N4BP2: variants seen among roughly 807,000 people sequenced by gnomAD.
N4BP2 encodes NEDD4 binding protein 2.
Under a neutral mutation model 152.8 loss-of-function variants are expected in N4BP2, and 91 were observed. The observed-to-expected ratio is 0.60, with a 90% CI of 0.50 to 0.71. The LOEUF is 0.71. Ranked by LOEUF, N4BP2 falls within the 30% of genes least tolerant of loss-of-function variation. N4BP2 has a pLI of 0.00. For synonymous variants in N4BP2, 646 were observed against 705.3 expected, an observed-to-expected ratio of 0.92 and a Z score of 1.33; for missense variants, 1,923 against 2,059.1, an observed-to-expected ratio of 0.93 and a Z score of 1.28.
intron 1 of N4BP2, among the ~76,000 whole-genome samples, chr4:40,062,023 G>A (rs1578928133): frequency 6.7e-6 from 1 of 150,326 alleles, no homozygotes; most frequent in Admixed American, 6.6e-5. Context: ...TTTATTTTTT[G>A]GTTTTATTTA....
intron 1 of N4BP2, among the ~76,000 whole-genome samples, chr4:40,064,224 T>C (rs1452538985): frequency 6.6e-6 from 1 of 152,230 alleles, no homozygotes; most frequent in Admixed American, 6.5e-5. Context: ...AAGTCCAACA[T>C]TTTAAAGAAG....
At chr4:40,136,478 G>A (rs1719410767) in intron 13 of N4BP2, among the ~76,000 whole-genome samples, 1 of 151,938 alleles carries the variant, frequency 6.6e-6, no homozygotes, top group African/African-American at 2.4e-5. Context: ...TCTGCCTTCC[G>A]GGTTCAAGCG....
intron 17 of N4BP2, among the ~76,000 whole-genome samples, chr4:40,153,579 G>T (rs974666688): frequency 7.2e-5 from 11 of 152,192 alleles, no homozygotes; most frequent in African/African-American, 2.4e-4. Context: ...TCCTGCAGAT[G>T]TGTATCATTA....
the N4BP2 span, among the ~76,000 whole-genome samples, chr4:40,165,476 T>C: frequency 6.6e-6 from 1 of 152,218 alleles, no homozygotes; most frequent in Non-Finnish European, 1.5e-5. Flanking sequence ...CTTGAACTCC[T>C]GGCCTCAAGT....
chr4:40,069,450 A>G (rs1195970413), intron 1 of N4BP2, among the ~76,000 whole-genome samples: 2 of 151,962 alleles, frequency 1.3e-5, no homozygotes, highest in African/African-American at 4.8e-5. Context: ...CCTTCCTTTC[A>G]TTTTAAACTC....
intron 14 of N4BP2, among the ~76,000 whole-genome samples, chr4:40,141,321 C>G (rs1719926309): frequency 6.6e-6 from 1 of 151,994 alleles, no homozygotes; most frequent in African/African-American, 2.4e-5. Context: ...ACGCTCCTCA[C>G]TTGTCAGACG....
intron 13 of N4BP2, 26 bp downstream of exon 13, chr4:40,131,945 G>A (rs1299572450): frequency 7.5e-7 from 1 of 1,340,198 alleles, no homozygotes; most frequent in Non-Finnish European, 1.1e-6. Flanking sequence ...ATTGTCTGTA[G>A]TTTCTACTCT....
chr4:40,121,457 A>G lies in N4BP2; in HGVS notation c.3346A>G (p.Lys1116Glu), dbSNP rs1274484180. Reference sequence around the variant, plus strand: ...GAAAGACTTATATGAGAGGTGCAATAAAGATATTATTTGGGCCACAAGCCT... The same window carrying G: ...GAAAGACTTATATGAGAGGTGCAATGAAGATATTATTTGGGCCACAAGCCT... ...ALKDLYERCN[K>E]DIIWATSLLL... Residue 1116 changes from lysine to glutamate, a missense_variant, in exon 9 of 18, where the codon AAA becomes GAA. Transcript: ENST00000261435. 1.2e-6 allele frequency: 2 copies of G among 1,613,854 alleles called. No homozygotes were observed. The highest frequency in any genetic ancestry group is 1.3e-5 in the African/African-American group (1 of 74,906).
chr4:40,147,148 C>CA (rs920911127), intron 16 of N4BP2, among the ~76,000 whole-genome samples: 1 of 150,016 alleles, frequency 6.7e-6, no homozygotes, highest in Non-Finnish European at 1.5e-5. Context: ...ATCTGTTTAA[C>CA]AAAGCACATC....
chr4:40,154,317 C>A lies in N4BP2; in HGVS notation c.*80C>A, dbSNP rs917252162. On this transcript the variant is annotated 3_prime_UTR_variant, in exon 18 of 18. Coordinates refer to ENST00000261435, the MANE Select transcript of N4BP2 (RefSeq NM_018177.6). ...TTTGCAGTAATTCAGTCAATTCTAC[C>A]CTAAAGATGTGTTTTATTATAAATA... 4.2e-5 allele frequency: 35 copies of A among 830,328 alleles called. No homozygotes were observed. The highest frequency in any genetic ancestry group is 5.3e-5 in the Non-Finnish European group (28 of 525,786). The allele number at this position is 830,328 out of a possible 1,614,324, so 51.4% of individuals were successfully genotyped here.
intron 7 of N4BP2, among the ~76,000 whole-genome samples, chr4:40,115,428 C>G (rs936127358): frequency 2.0e-5 from 3 of 152,060 alleles, no homozygotes; most frequent in Admixed American, 6.6e-5. Context: ...CCTGGGAGGT[C>G]GAGGCTGTGA....
the N4BP2 span, among the ~76,000 whole-genome samples, chr4:40,169,963 C>CAAAA: frequency 4.4e-5 from 2 of 45,840 alleles, no homozygotes; most frequent in African/African-American, 6.5e-5. Flanking sequence ...GACTCAATCT[C>CAAAA]AAAAAAAAAA....
rs771335743 is a variant in N4BP2, at chr4:40,144,666, A to G, written c.5009A>G (p.Asn1670Ser). Residue 1670 changes from asparagine to serine, a missense_variant, in exon 16 of 18, where the codon AAT becomes AGT. Transcript: ENST00000261435. ...CATGAGCAGAAGATGAAAGAAGCCA[A>G]TCACCTTGCTGCCATAGAGATCTTT... ...TLHEQKMKEA[N>S]HLAAIEIFEK... 28 of 1,613,350 alleles carry G rather than the reference A, an allele frequency of 1.7e-5. No homozygotes were observed. Among genetic ancestry groups the G allele is most frequent in the African/African-American group, 6.7e-5 (5 of 74,884 alleles).
chr4:40,160,495 TAAC>T (rs1268906004), downstream of N4BP2, among the ~76,000 whole-genome samples: 1 of 152,238 alleles, frequency 6.6e-6, no homozygotes, highest in Non-Finnish European at 1.5e-5. Context: ...TCAGCCACGC[TAAC>T]GTTAACTTTC....
intron 14 of N4BP2, 107 bp from the exon 15 acceptor site, chr4:40,142,566 T>G (rs1430428439): frequency 1.1e-5 from 8 of 698,908 alleles, no homozygotes; most frequent in South Asian, 2.1e-5. Flanking sequence ...AGGAGAGAGA[T>G]GAAAATATAC....
chr4:40,120,090 A>G lies in N4BP2; in HGVS notation c.1979A>G (p.Lys660Arg), dbSNP rs201855506. 4.8e-4 allele frequency: 774 copies of G among 1,612,084 alleles called. 4 individuals carry two copies. Among genetic ancestry groups the G allele is most frequent in the South Asian group, 1.0e-3 (95 of 90,864 alleles). Residue 660 changes from lysine (K) to arginine (R), a missense_variant, in exon 9 of 18, where the codon AAA becomes AGA. Coordinates refer to ENST00000261435, the MANE Select transcript of N4BP2 (RefSeq NM_018177.6). Reference sequence around the variant, plus strand: ...TATCTCTCTAATGCAGATTTAAACAAAAGAAGAAAAGAAATAAGTGATATG... The same window carrying G: ...TATCTCTCTAATGCAGATTTAAACAGAAGAAGAAAAGAAATAAGTGATATG... ...VAYLSNADLN[K>R]RRKEISDMNP...
In N4BP2 at chr4:40,144,725, G is replaced by A; in HGVS notation, c.5068G>A (p.Val1690Ile). 1 of 1,614,136 alleles carries A rather than the reference G, an allele frequency of 6.2e-7. No homozygotes were observed. The highest frequency in any genetic ancestry group is 1.3e-5 in the African/African-American group (1 of 75,044). The change falls in exon 16 of 18, where the codon GTT (valine) becomes ATT (isoleucine). Residue 1690 changes from valine to isoleucine, a missense_variant. Coordinates refer to ENST00000261435, the MANE Select transcript of N4BP2 (RefSeq NM_018177.6). ...KVNASLLPQN[V>I]LDLHGLHVDE... The stretch of plus-strand genomic sequence containing the variant: ...CAATGCTTCGCTGCTGCCACAGAAT[G>A]TTTTAGACCTCCATGGGCTGCATGT...
chr4:40,170,586 G>A, the N4BP2 span, among the ~76,000 whole-genome samples: 1 of 152,156 alleles, frequency 6.6e-6, no homozygotes, highest in Non-Finnish European at 1.5e-5. Context: ...GCTGCAGTGA[G>A]CTGAGTGGTG....
intron 13 of N4BP2, among the ~76,000 whole-genome samples, chr4:40,136,706 C>CT (rs137953758): frequency 0.019 from 2,853 of 152,258 alleles, 98 homozygotes; most frequent in African/African-American, 0.065. Flanking sequence ...AATATACTAT[C>CT]TTTTGGCATT....
Sources: gnomAD v4.1 joint callset for allele counts (sites outside exome capture counted in the v4.1 genomes callset) on GRCh38, gnomAD v4.1.1 for gene constraint, MANE v1.5 for transcripts, NCBI Gene and HGNC (gene_info 2026-07-23, HGNC 2026-07-21) for gene names.